Variants in ZC3H6 observed in about 807,000 individuals in gnomAD.
The protein encoded by ZC3H6 is zinc finger CCCH domain-containing protein 6.
A neutral mutation model predicts 107.7 loss-of-function variants in ZC3H6; 40 were observed. The observed-to-expected ratio is 0.37, with a 90% CI of 0.29 to 0.48. ZC3H6 has a LOEUF of 0.48. Ranked by LOEUF, ZC3H6 falls within the 20% of genes least tolerant of loss-of-function variation. ZC3H6 has a pLI of 0.98. For missense variants in ZC3H6, 1,267 were observed against 1,410.4 expected (o/e 0.90, Z 1.63); for synonymous variants, 493 against 487.9 (o/e 1.01, Z -0.14).
chr2:112,282,422 T>A (rs961645351), intron 1 of ZC3H6, among the ~76,000 whole-genome samples: 2 of 152,238 alleles, frequency 1.3e-5, no homozygotes, highest in South Asian at 2.1e-4. Flanking sequence ...GGCTAGCATT[T>A]GTTTAGCACT....
intron 7 of ZC3H6, among the ~76,000 whole-genome samples, chr2:112,317,913 C>T (rs988909621): frequency 1.2e-4 from 18 of 152,102 alleles, no homozygotes; most frequent in African/African-American, 4.3e-4. Flanking sequence ...CGACTTATGA[C>T]TAATGAAGCT....
rs760013382 is a variant in ZC3H6, at chr2:112,303,193, G to A, written c.214-36G>A. On this transcript the variant is annotated intron_variant, in intron 2 of 11. Transcript: ENST00000409871. ...TTACTAGTTAAATTTTCTTCCTTTT[G>A]CAAATGTAACATATTTGTCTTTCCC... 5 of 1,583,672 alleles carry A rather than the reference G, an allele frequency of 3.2e-6. No individual in the cohort carries two copies. The South Asian group carries it at 5.9e-5, about 19-fold the overall frequency.
chr2:112,301,079 G>A (rs1262956641), intron 2 of ZC3H6, among the ~76,000 whole-genome samples: 2 of 152,158 alleles, frequency 1.3e-5, no homozygotes, highest in Non-Finnish European at 2.9e-5. Flanking sequence ...TGAAGCAGAG[G>A]GAAAATAAAG....
At chr2:112,293,103 T>C (rs1217136684) in intron 1 of ZC3H6, among the ~76,000 whole-genome samples, 2 of 152,214 alleles carry the variant, frequency 1.3e-5, no homozygotes, top group African/African-American at 4.8e-5. Context: ...CAAAAGTAAG[T>C]AAGAAAGGAA....
At chr2:112,298,316 A>G (rs1373277558) in intron 1 of ZC3H6, among the ~76,000 whole-genome samples, 1 of 152,346 alleles carries the variant, frequency 6.6e-6, no homozygotes, top group Admixed American at 6.5e-5. Context: ...TGCAAGCAAT[A>G]TAACAGGCAG....
intron 1 of ZC3H6, among the ~76,000 whole-genome samples, chr2:112,299,073 T>C (rs1047058432): frequency 7.9e-5 from 12 of 152,078 alleles, no homozygotes; most frequent in Admixed American, 4.6e-4. Context: ...GTCAGGAGAT[T>C]GAGACCATCC....
At chr2:112,294,745 A>C (rs1444318304) in intron 1 of ZC3H6, among the ~76,000 whole-genome samples, 1 of 152,184 alleles carries the variant, frequency 6.6e-6, no homozygotes, top group Admixed American at 6.5e-5. Flanking sequence ...ATCCTCTATT[A>C]AGGCATATCA....
chr2:112,282,928 T>TA (rs1686551768), intron 1 of ZC3H6, among the ~76,000 whole-genome samples: 1 of 152,210 alleles, frequency 6.6e-6, no homozygotes. Flanking sequence ...GGTTGATGCT[T>TA]ATATGATAGT....
At chr2:112,321,910 A>AT in intron 8 of ZC3H6, 45 bp downstream of exon 8, 1 of 857,970 alleles carries the variant, frequency 1.2e-6, no homozygotes, top group Non-Finnish European at 1.8e-6. Context: ...CCACAAATAC[A>AT]TTTGACTTGA....
intron 1 of ZC3H6, 151 bp from the exon 2 acceptor site, chr2:112,299,698 T>A: frequency 4.5e-6 from 2 of 446,290 alleles, no homozygotes; most frequent in Non-Finnish European, 7.6e-6. Context: ...TGTAAAATAT[T>A]TACTATCTGG....
intron 11 of ZC3H6, among the ~76,000 whole-genome samples, chr2:112,330,555 C>T (rs886745763): frequency 1.3e-5 from 2 of 152,162 alleles, no homozygotes; most frequent in Non-Finnish European, 2.9e-5. Context: ...AGCTAGGAAG[C>T]TTAAGGAATG....
intron 3 of ZC3H6, among the ~76,000 whole-genome samples, chr2:112,305,361 T>C (rs990758489): frequency 2.0e-5 from 3 of 152,226 alleles, no homozygotes; most frequent in Admixed American, 6.5e-5. Flanking sequence ...GGCAGCATTA[T>C]TGTAATAAGT....
rs1686503267 is a variant in ZC3H6 at position 112,280,313 on chromosome 2, G to C, written c.32+4287G>C. Among the ~76,000 whole-genome samples the C allele has an allele frequency of 5.3e-5, 8 of 152,158 alleles. No homozygotes were observed. In the South Asian group the frequency reaches 1.7e-3, roughly 32 times the overall value. ...TTAACTATTGTTGAAATTACTAAAG[G>C]AAATTTTTCTTTAGCAAATGTAAAA... On this transcript the variant is annotated intron_variant, in intron 1 of 11. Coordinates refer to ENST00000409871, the MANE Select transcript of ZC3H6 (RefSeq NM_198581.3).
chr2:112,299,792 C>G (rs1315676493), intron 1 of ZC3H6, 57 bp from the exon 2 acceptor site: 3 of 1,235,282 alleles, frequency 2.4e-6, no homozygotes, highest in Non-Finnish European at 3.1e-6. Flanking sequence ...TTTTGAAAAT[C>G]TTTCTGTAAG....
At chr2:112,305,878 G>A (rs10439391) in intron 3 of ZC3H6, among the ~76,000 whole-genome samples, 99,488 of 152,072 alleles carry the variant, frequency 0.65, 34,550 homozygotes, top group African/African-American at 0.9. Flanking sequence ...CCCAGTTAAC[G>A]TTTTACCACA....
chr2:112,314,135 C>A (rs1676645907), intron 5 of ZC3H6, among the ~76,000 whole-genome samples: 1 of 151,996 alleles, frequency 6.6e-6, no homozygotes, highest in Non-Finnish European at 1.5e-5. Context: ...TGACCAAGTA[C>A]AGTAGGTAGC....
rs774054670 is a variant in ZC3H6 at position 112,331,720 on chromosome 2, C to G, written c.2802C>G (p.Ala934=). ...NTVSIDPKLA[A]KAKINTTNRE... is the part of the protein sequence containing the mutation. ...TGTCCATTGATCCAAAATTAGCAGC[C>G]AAAGCCAAAATTAACACAACAAACA... is the stretch of plus-strand genomic sequence containing the variant. The change falls in exon 12 of 12, where the codon GCC becomes GCG. Residue 934 remains alanine, a synonymous_variant. Transcript: ENST00000409871. 1.5e-5 allele frequency: 25 copies of G among 1,613,594 alleles called. No individual in the cohort carries two copies. Among genetic ancestry groups the G allele is most frequent in the Non-Finnish European group, 3.4e-6 (4 of 1,179,834 alleles).
chr2:112,278,051 A>G (rs1420851908), intron 1 of ZC3H6, among the ~76,000 whole-genome samples: 1 of 152,230 alleles, frequency 6.6e-6, no homozygotes, highest in East Asian at 1.9e-4. Context: ...TCCCAATGAT[A>G]GTTAATCATC....
chr2:112,315,583 TTTTTTTTG>T (rs1676681651), intron 5 of ZC3H6, among the ~76,000 whole-genome samples: 1 of 151,480 alleles, frequency 6.6e-6, no homozygotes, highest in Non-Finnish European at 1.5e-5. Flanking sequence ...ATTGTAAACT[TTTTTTTTG>T]TTTTTTTTTT....
Sources: allele counts gnomAD v4.1 joint callset (sites outside exome capture counted in the v4.1 genomes callset), GRCh38; gene constraint gnomAD v4.1.1; transcripts MANE v1.5; gene names NCBI Gene and HGNC (gene_info 2026-07-23, HGNC 2026-07-21).